The following LCOR variants were observed in gnomAD, a reference collection of about 807,000 sequenced individuals.
The protein encoded by LCOR is ligand-dependent corepressor.
LCOR carries 14 observed loss-of-function variants against 64.4 expected under a neutral mutation model. That is an observed-to-expected ratio of 0.22 (90% confidence interval 0.14 to 0.34). LCOR has a LOEUF of 0.34. LCOR is among the 10% of genes least tolerant of loss of function. LCOR has a pLI of 1.00. For missense variants in LCOR, 1,686 were observed against 1,765.3 expected, an observed-to-expected ratio of 0.96 and a Z score of 0.80; for synonymous variants, 643 against 642.5, an observed-to-expected ratio of 1.00 and a Z score of -0.01.
intron 4 of LCOR, among the ~76,000 whole-genome samples, chr10:96,931,024 G>A (rs1847250012): frequency 6.6e-6 from 1 of 152,026 alleles, no homozygotes; most frequent in Admixed American, 6.6e-5. Context: ...ATACTTTATA[G>A]CCCTTCCTAG....
chr10:96,833,215 C>G (rs1819050195), intron 1 of LCOR, 191 bp from the exon 2 acceptor site: 1 of 981,568 alleles, frequency 1.0e-6, no homozygotes, highest in Non-Finnish European at 1.2e-6. Context: ...TCGTCCCCTC[C>G]CGGGGATTGG....
At chr10:96,901,180 G>A (rs374487417) in intron 2 of LCOR, among the ~76,000 whole-genome samples, 14 of 150,852 alleles carry the variant, frequency 9.3e-5, no homozygotes, top group African/African-American at 2.2e-4. Context: ...CAGAGACTCC[G>A]TCTCAAAAAA....
chr10:96,972,685 T>C (rs1348946510), intron 7 of LCOR, among the ~76,000 whole-genome samples: 1 of 150,926 alleles, frequency 6.6e-6, no homozygotes, highest in Non-Finnish European at 1.5e-5. Context: ...TTAAAGTGCT[T>C]CTGTGATATT....
intron 4 of LCOR, among the ~76,000 whole-genome samples, chr10:96,922,169 T>G (rs910311005): frequency 6.6e-6 from 1 of 152,124 alleles, no homozygotes; most frequent in Non-Finnish European, 1.5e-5. Context: ...ATATTAAGTC[T>G]TTGCCTTTTT....
rs561566178 is a variant in LCOR, at chr10:96,951,980, A to G, written c.239-123A>G. ...ATTTAATTGATTTTATAACTCAAAT[A>G]TATGACTAGCATATCTGCTTAGTTG... On this transcript the variant is annotated intron_variant, in intron 6 of 7. Coordinates refer to ENST00000421806, the MANE Select transcript of LCOR (RefSeq NM_001346516.2). 11 of 628,022 alleles carry G rather than the reference A, an allele frequency of 1.8e-5. No individual in the cohort carries two copies. The East Asian group carries it at 2.4e-4, about 14-fold the overall frequency. 38.9% of individuals were successfully genotyped at this position (628,022 alleles called of 1,614,324 possible). A position where few individuals can be genotyped will look rare whatever the true frequency, so the allele number is the denominator to read the frequency against.
chr10:96,869,052 A>T (rs1310758052), intron 2 of LCOR, among the ~76,000 whole-genome samples: 2 of 151,760 alleles, frequency 1.3e-5, no homozygotes, highest in Non-Finnish European at 2.9e-5. Context: ...ATTACAGGCA[A>T]CCGCCATCAT....
intron 7 of LCOR, among the ~76,000 whole-genome samples, chr10:96,967,672 T>A (rs1564642537): frequency 6.6e-6 from 1 of 152,172 alleles, no homozygotes; most frequent in Non-Finnish European, 1.5e-5. Context: ...TAAGGTCTCG[T>A]AAACCCAGGT....
At chr10:96,886,285 G>A (rs1564615229) in intron 2 of LCOR, among the ~76,000 whole-genome samples, 1 of 152,182 alleles carries the variant, frequency 6.6e-6, no homozygotes, top group Non-Finnish European at 1.5e-5. Context: ...CAGGTTGAGT[G>A]TCTCTTATCC....
rs115299030 is a variant in LCOR, at chr10:96,975,567, A to C, written c.333-5226A>C. Among the ~76,000 whole-genome samples, 538 of 151,890 alleles carry C rather than the reference A, an allele frequency of 3.5e-3. 4 individuals are homozygous for C. Among genetic ancestry groups the C allele is most frequent in the African/African-American group, 0.012 (496 of 41,400 alleles). Reference sequence around the variant, plus strand: ...TGCCCAGGAAGAAAACTCAGGAAGCATCCTAGATGTCCCTTTTCCCTCTCC... The same window carrying C: ...TGCCCAGGAAGAAAACTCAGGAAGCCTCCTAGATGTCCCTTTTCCCTCTCC... On this transcript the variant is annotated intron_variant, in intron 7 of 7. Coordinates refer to ENST00000421806, the MANE Select transcript of LCOR (RefSeq NM_001346516.2).
chr10:96,955,425 A>G, intron 7 of LCOR: 1 of 1,614,202 alleles, frequency 6.2e-7, no homozygotes, highest in South Asian at 1.1e-5. Context: ...GGAGTCTCGC[A>G]CTGGTGATCA....
At chr10:96,835,808 GA>G (rs1845432404) in intron 2 of LCOR, among the ~76,000 whole-genome samples, 1 of 152,136 alleles carries the variant, frequency 6.6e-6, no homozygotes, top group Non-Finnish European at 1.5e-5. Context: ...TGGTGGTGGT[GA>G]TGTTGCTGAT....
At chr10:96,833,997 T>G (rs1759153409) in intron 2 of LCOR, among the ~76,000 whole-genome samples, 2 of 152,244 alleles carry the variant, frequency 1.3e-5, no homozygotes, top group African/African-American at 2.4e-5. Flanking sequence ...GCCTTCTGGC[T>G]TGACAGGAGG....
chr10:96,934,803 T>C (rs925944140), intron 4 of LCOR, among the ~76,000 whole-genome samples: 4 of 152,152 alleles, frequency 2.6e-5, no homozygotes, highest in Non-Finnish European at 5.9e-5. Context: ...GGTTTTGCCA[T>C]GTTGGCCAGA....
chr10:96,938,159 A>G (rs892865208), intron 4 of LCOR, among the ~76,000 whole-genome samples: 2 of 152,152 alleles, frequency 1.3e-5, no homozygotes, highest in South Asian at 2.1e-4. Flanking sequence ...GGGTCTCCCT[A>G]TGTTGCCCAG....
At chr10:96,858,269 G>A (rs1845836248) in intron 2 of LCOR, among the ~76,000 whole-genome samples, 1 of 152,118 alleles carries the variant, frequency 6.6e-6, no homozygotes, top group Non-Finnish European at 1.5e-5. Flanking sequence ...ACTTCAAAAT[G>A]TAATGCTTTC....
Position 96,859,302 on chromosome 10 carries a change from C to T in LCOR, c.-330+25823C>T, listed in dbSNP as rs530053924. Among the ~76,000 whole-genome samples the T allele has an allele frequency of 9.2e-5, 14 of 152,080 alleles. No homozygotes were observed. In the East Asian group the frequency reaches 1.9e-3, roughly 21 times the overall value. ...TCGGCTCACTGCAACCTTAGCGTCC[C>T]GGGTTCAAGCAATTCTCCTGCCTCA... On this transcript the variant is annotated intron_variant, in intron 2 of 7. Transcript: ENST00000421806.
intron 2 of LCOR, among the ~76,000 whole-genome samples, chr10:96,881,080 G>A (rs111278735): frequency 1.4e-4 from 22 of 152,138 alleles, no homozygotes; most frequent in African/African-American, 2.2e-4. Context: ...GTGGTTTTTC[G>A]TGAAGTGGGG....
intron 4 of LCOR, among the ~76,000 whole-genome samples, chr10:96,924,331 T>C (rs1187335133): frequency 6.6e-6 from 1 of 152,174 alleles, no homozygotes; most frequent in Non-Finnish European, 1.5e-5. Flanking sequence ...GCCCCACAAG[T>C]AGCTGGGACT....
At position 96,984,267 on chromosome 10, in the gene LCOR, G is replaced by A. The variant is rs143456541; in HGVS notation, c.3807G>A (p.Glu1269=). 34 of 1,614,052 alleles carry A rather than the reference G, an allele frequency of 2.1e-5. No individual in the cohort carries two copies. In the Middle Eastern group the frequency reaches 6.6e-4, roughly 31 times the overall value. ...TTCGAGAGAATCCTGATCAAGTGGA[G>A]CCAGAAGATGGCAGTGATGTCAGCC... ...AKFRENPDQV[E]PEDGSDVSPG... Residue 1269 remains glutamate, a synonymous_variant, in exon 8 of 8, where the codon GAG becomes GAA. Transcript: ENST00000421806.
Sources: allele counts gnomAD v4.1 joint callset (sites outside exome capture counted in the v4.1 genomes callset), GRCh38; gene constraint gnomAD v4.1.1; transcripts MANE v1.5; gene names NCBI Gene and HGNC (gene_info 2026-07-23, HGNC 2026-07-21).